SLC10A5: variants seen among roughly 807,000 people sequenced by gnomAD.
The protein encoded by SLC10A5 is solute carrier family 10 member 5.
For synonymous variants in SLC10A5, 181 were observed against 183.7 expected (o/e 0.99, Z 0.12); for missense variants, 475 against 500.7 (o/e 0.95, Z 0.49).
rs2130367154 is a variant in SLC10A5, at chr8:81,695,041, G to A, written c.-69C>T. 1 of 1,225,344 alleles carries A rather than the reference G, an allele frequency of 8.2e-7. No individual in the cohort carries two copies. Among genetic ancestry groups the A allele is most frequent in the East Asian group, 2.5e-5 (1 of 40,720 alleles). The allele number at this position is 1,225,344 out of a possible 1,614,324, so 75.9% of individuals were successfully genotyped here. On this transcript the variant is annotated 5_prime_UTR_variant, in exon 1 of 1. Coordinates refer to ENST00000518568, the MANE Select transcript of SLC10A5 (RefSeq NM_001010893.3). ...AAATGAAAGAACATTCTTCATGCAG[G>A]TGTTCCAGTGACAGTCTGAGGGTGA...
In SLC10A5 at chr8:81,693,785, A is replaced by T; in HGVS notation, c.1188T>A (p.Ala396=). The change falls in exon 1 of 1, where the codon GCT becomes GCA. Residue 396 remains alanine, a synonymous_variant. Transcript: ENST00000518568. ...TGGCTACTGTAAAAGGAGCCACAGA[A>T]GCTAAATTGGCCTTGGACTGTGGAA... The part of the protein sequence containing the change: ...LSFPQSKANL[A]SVAPFTVAMC... The T allele has an allele frequency of 6.2e-7, 1 of 1,614,166 alleles. No homozygotes were observed. The highest frequency in any genetic ancestry group is 1.1e-5 in the South Asian group (1 of 91,090).
In SLC10A5 at chr8:81,694,687, C is replaced by T. The variant is rs987673573; in HGVS notation, c.286G>A (p.Gly96Arg). The change falls in exon 1 of 1, where the codon GGA becomes AGA. Residue 96 changes from glycine to arginine, a missense_variant. Transcript: ENST00000518568. Reference sequence around the variant, plus strand: ...AGTTGAATAGTCACATTTGTTTCTCCTTCTTCATCAGTCACCAGATTTATG... The same window carrying T: ...AGTTGAATAGTCACATTTGTTTCTCTTTCTTCATCAGTCACCAGATTTATG... ...FTINLVTDEE[G>R]ETNVTIQLWD... 14 of 1,614,024 alleles carry T rather than the reference C, an allele frequency of 8.7e-6. No individual in the cohort carries two copies. Among genetic ancestry groups the T allele is most frequent in the Non-Finnish European group, 1.2e-5 (14 of 1,180,010 alleles).
chr8:81,694,414 G>GAA lies in SLC10A5; in HGVS notation c.557_558dup (p.Leu187PhefsTer2). On this transcript the variant is annotated frameshift_variant, in exon 1 of 1. Coordinates refer to ENST00000518568, the MANE Select transcript of SLC10A5 (RefSeq NM_001010893.3). LOFTEE classifies it low-confidence loss of function (END_TRUNC). ...AAAAGAAACCCGCAAAATGGCATCA[G>GAA]AAAAAACTGTGTAACTGCCCCAAGA... The GAA allele has an allele frequency of 6.2e-7, 1 of 1,613,956 alleles. No individual in the cohort carries two copies.
At position 81,694,669 on chromosome 8, in the gene SLC10A5, T is replaced by TCCC. The variant is rs749336312; in HGVS notation, c.303_304insGGG (p.Thr101_Ile102insGly). 3 of 1,614,026 alleles carry TCCC rather than the reference T, an allele frequency of 1.9e-6. No homozygotes were observed. The highest frequency in any genetic ancestry group is 1.7e-6 in the Non-Finnish European group (2 of 1,180,024). ...CTACCTTCAGAATCCCAGAGTTGAATAGTCACATTTGTTTCTCCTTCTTCA... is the reference window on the plus strand; with the variant it reads ...CTACCTTCAGAATCCCAGAGTTGAATCCCAGTCACATTTGTTTCTCCTTCTTCA... On this transcript the variant is annotated inframe_insertion, in exon 1 of 1. Coordinates refer to ENST00000518568, the MANE Select transcript of SLC10A5 (RefSeq NM_001010893.3).
In SLC10A5 at chr8:81,694,209, T is replaced by A. The variant is rs1807690554; in HGVS notation, c.764A>T (p.Tyr255Phe). 6.2e-7 allele frequency: 1 copy of A among 1,614,050 alleles called. No homozygotes were observed. Among genetic ancestry groups the A allele is most frequent in the African/African-American group, 1.3e-5 (1 of 74,910 alleles). The change falls in exon 1 of 1, where the codon TAT (tyrosine) becomes TTT (phenylalanine). Residue 255 changes from tyrosine (Y) to phenylalanine (F), a missense_variant. Transcript: ENST00000518568. ...LALIMMPVNS[Y>F]IYSRILGLSG... ...CAACCCTAATATCCTACTGTATATA[T>A]AAGAATTGACAGGCATCATGATCAG...
At position 81,693,721 on chromosome 8, in the gene SLC10A5, A is replaced by C; in HGVS notation, c.1252T>G (p.Tyr418Asp). Residue 418 changes from tyrosine (Y) to aspartate (D), a missense_variant, in exon 1 of 1, where the codon TAC becomes GAC. Coordinates refer to ENST00000518568, the MANE Select transcript of SLC10A5 (RefSeq NM_001010893.3). ...AAGATACATCTTTTCTTAGCCTTGT[A>C]AACTAGAATGATCAGTAACATTTCA... The part of the protein sequence containing the change: ...GCEMLLIILV[Y>D]KAKKRCIFFL... The C allele has an allele frequency of 1.2e-6, 2 of 1,607,594 alleles. No homozygotes were observed. Among genetic ancestry groups the C allele is most frequent in the Non-Finnish European group, 1.7e-6 (2 of 1,178,562 alleles).
chr8:81,694,144 T>G lies in SLC10A5; in HGVS notation c.829A>C (p.Thr277Pro). 7 of 1,614,066 alleles carry G rather than the reference T, an allele frequency of 4.3e-6. No individual in the cohort carries two copies. Among genetic ancestry groups the G allele is most frequent in the Non-Finnish European group, 5.9e-6 (7 of 1,180,002 alleles). ...ACTGGCACAAGTATGAAAAGGAGTG[T>G]TGACACAATTTTAGAAACAGGAATA... The part of the protein sequence containing the change: ...FHIPVSKIVS[T>P]LLFILVPVSI... The change falls in exon 1 of 1, where the codon ACA (threonine) becomes CCA (proline). Residue 277 changes from threonine (T) to proline (P), a missense_variant. By Grantham distance (38) the Thr-to-Pro change is conservative. Transcript: ENST00000518568.
rs781686406 is a variant in SLC10A5, at chr8:81,694,100, G to T, written c.873C>A (p.Ile291=). 2.5e-6 allele frequency: 4 copies of T among 1,613,966 alleles called. No individual in the cohort carries two copies. In the South Asian group the frequency reaches 4.4e-5, roughly 18 times the overall value. The part of the protein sequence containing the change: ...ILVPVSIGIV[I]KHRIPEKASF... The stretch of plus-strand genomic sequence containing the variant: ...TTGCTTTTTCAGGTATTCTATGCTT[G>T]ATGACTATTCCAATTGATACTGGCA... The change falls in exon 1 of 1, where the codon ATC becomes ATA. Residue 291 remains isoleucine (I), a synonymous_variant. Transcript: ENST00000518568.
chr8:81,694,774 G>A lies in SLC10A5; in HGVS notation c.199C>T (p.Pro67Ser), dbSNP rs757902331. ...SSHLFVKIED[P>S]KILQMVNVAK... ...ACATTCACCATTTGTAGTATTTTAG[G>A]ATCTTCTATTTTCACAAAGAGGTGG... The change falls in exon 1 of 1, where the codon CCT becomes TCT. Residue 67 changes from proline to serine, a missense_variant. Physicochemically the swap from Pro to Ser is moderately conservative, Grantham distance 74. Coordinates refer to ENST00000518568, the MANE Select transcript of SLC10A5 (RefSeq NM_001010893.3). 6.2e-7 allele frequency: 1 copy of A among 1,613,842 alleles called. No individual in the cohort carries two copies. The highest frequency in any genetic ancestry group is 8.5e-7 in the Non-Finnish European group (1 of 1,179,976).
chr8:81,694,994 T>A lies in SLC10A5; in HGVS notation c.-22A>T. The stretch of plus-strand genomic sequence containing the variant: ...TCATTTTGAAAGCTGAAATAAATCA[T>A]ATATGCAAAATCGTTTTTAAAAAAT... On this transcript the variant is annotated 5_prime_UTR_variant, in exon 1 of 1. It removes an upstream start codon present in the reference 5' UTR. Coordinates refer to ENST00000518568, the MANE Select transcript of SLC10A5 (RefSeq NM_001010893.3). The A allele has an allele frequency of 6.6e-7, 1 of 1,507,816 alleles. No homozygotes were observed. Among genetic ancestry groups the A allele is most frequent in the Admixed American group, 2.3e-5 (1 of 43,128 alleles). The allele number at this position is 1,507,816 out of a possible 1,614,324, so 93.4% of individuals were successfully genotyped here. A position where few individuals can be genotyped will look rare whatever the true frequency, so the allele number is the denominator to read the frequency against.
rs771459899 is a variant in SLC10A5, at chr8:81,693,685, C to G, written c.1288G>C (p.Asp430His). 1 of 1,591,740 alleles carries G rather than the reference C, an allele frequency of 6.3e-7. No homozygotes were observed. The highest frequency in any genetic ancestry group is 8.5e-7 in the Non-Finnish European group (1 of 1,172,848). The change falls in exon 1 of 1, where the codon GAT becomes CAT. Residue 430 changes from aspartate (D) to histidine (H), a missense_variant. Asp to His is a moderately conservative substitution (Grantham distance 81). Coordinates refer to ENST00000518568, the MANE Select transcript of SLC10A5 (RefSeq NM_001010893.3). The stretch of plus-strand genomic sequence containing the variant: ...ATTAGGAAATTTCTTTTCCTTTTAT[C>G]TTGTAAGAAAAAGATACATCTTTTC... ...AKKRCIFFLQ[D>H]KRKRNFLI
rs146166830 is a variant in SLC10A5 at position 81,693,810 on chromosome 8, A to G, written c.1163T>C (p.Phe388Ser). 6.8e-6 allele frequency: 11 copies of G among 1,613,966 alleles called. No individual in the cohort carries two copies. The highest frequency in any genetic ancestry group is 8.5e-6 in the Non-Finnish European group (10 of 1,180,014). Residue 388 changes from phenylalanine to serine, a missense_variant, in exon 1 of 1, where the codon TTT becomes TCT. By Grantham distance (155) the Phe-to-Ser change is radical (BLOSUM62 -2). Transcript: ENST00000518568. The stretch of plus-strand genomic sequence containing the variant: ...AGCTAAATTGGCCTTGGACTGTGGA[A>G]AAGACAGCTGAATAACGGCAAGAGC... ...FLALAVIQLS[F>S]PQSKANLASV...
At position 81,693,645 on chromosome 8, in the gene SLC10A5, T is replaced by G; in HGVS notation, c.*11A>C. On this transcript the variant is annotated 3_prime_UTR_variant, in exon 1 of 1. Coordinates refer to ENST00000518568, the MANE Select transcript of SLC10A5 (RefSeq NM_001010893.3). ...CCTACCCAGAGTAGGAATTCAGTAA[T>G]GCTTTAATTGTTAGATTAGGAAATT... 1 of 1,561,292 alleles carries G rather than the reference T, an allele frequency of 6.4e-7. No homozygotes were observed. The highest frequency in any genetic ancestry group is 1.2e-5 in the South Asian group (1 of 81,936).
rs1370525675 is a variant in SLC10A5 at position 81,694,497 on chromosome 8, C to T, written c.476G>A (p.Gly159Asp). ...PLILLNKCAF[G>D]CKIELQLFQT... ...AAACAGCTGTAATTCAATCTTACAA[C>T]CAAATGCACACTTATTCAATAGTAT... Residue 159 changes from glycine (G) to aspartate (D), a missense_variant, in exon 1 of 1, where the codon GGT becomes GAT. By Grantham distance (94) the Gly-to-Asp change is moderately conservative. Coordinates refer to ENST00000518568, the MANE Select transcript of SLC10A5 (RefSeq NM_001010893.3). 2.5e-6 allele frequency: 4 copies of T among 1,614,230 alleles called. No individual in the cohort carries two copies. Among genetic ancestry groups the T allele is most frequent in the Non-Finnish European group, 3.4e-6 (4 of 1,180,042 alleles).
At position 81,694,615 on chromosome 8, in the gene SLC10A5, T is replaced by C. The variant is rs755107822; in HGVS notation, c.358A>G (p.Asn120Asp). 3 of 1,614,114 alleles carry C rather than the reference T, an allele frequency of 1.9e-6. No homozygotes were observed. Among genetic ancestry groups the C allele is most frequent in the Non-Finnish European group, 1.7e-6 (2 of 1,180,034 alleles). The change falls in exon 1 of 1, where the codon AAT becomes GAT. Residue 120 changes from asparagine (N) to aspartate (D), a missense_variant. By Grantham distance (23) the Asn-to-Asp change is conservative (BLOSUM62 1). Transcript: ENST00000518568. ...TGTTTGAGCACTTTGACTTTCACATTCTTGATTTCTTCAATGAGTCTTTCT... is the reference window on the plus strand; with the variant it reads ...TGTTTGAGCACTTTGACTTTCACATCCTTGATTTCTTCAATGAGTCTTTCT... ...RQERLIEEIK[N>D]VKVKVLKQKD...
Position 81,693,725 on chromosome 8 carries a change from T to C in SLC10A5, c.1248A>G (p.Leu416=), listed in dbSNP as rs774699534. The C allele has an allele frequency of 1.2e-6, 2 of 1,608,536 alleles. No individual in the cohort carries two copies. Among genetic ancestry groups the C allele is most frequent in the Admixed American group, 1.7e-5 (1 of 58,468 alleles). The part of the protein sequence containing the change: ...CSGCEMLLII[L]VYKAKKRCIF... The stretch of plus-strand genomic sequence containing the variant: ...TACATCTTTTCTTAGCCTTGTAAAC[T>C]AGAATGATCAGTAACATTTCACATC... Residue 416 remains leucine (L), a synonymous_variant, in exon 1 of 1, where the codon CTA becomes CTG. Coordinates refer to ENST00000518568, the MANE Select transcript of SLC10A5 (RefSeq NM_001010893.3).
Position 81,694,913 on chromosome 8 carries a change from C to T in SLC10A5, c.60G>A (p.Arg20=), listed in dbSNP as rs75101336. The part of the protein sequence containing the change: ...LLLLVTIEEA[R]MSSLSFLNIE... The stretch of plus-strand genomic sequence containing the variant: ...TATTCAGAAAACTGAGCGATGACAT[C>T]CTTGCTTCTTCTATAGTCACAAGCA... Residue 20 remains arginine (R), a synonymous_variant, in exon 1 of 1, where the codon AGG becomes AGA. Coordinates refer to ENST00000518568, the MANE Select transcript of SLC10A5 (RefSeq NM_001010893.3). The T allele has an allele frequency of 0.051, 81,691 of 1,599,980 alleles. 2,283 individuals are homozygous for T. Among genetic ancestry groups the T allele is most frequent in the Middle Eastern group, 0.09 (465 of 5,194 alleles).
At position 81,694,889 on chromosome 8, in the gene SLC10A5, A is replaced by T; in HGVS notation, c.84T>A (p.Asn28Lys). ...AAAATAGTATTTCAGTCTTCTCTAT[A>T]TTCAGAAAACTGAGCGATGACATCC... ...EARMSSLSFL[N>K]IEKTEILFFT... Residue 28 changes from asparagine (N) to lysine (K), a missense_variant, in exon 1 of 1, where the codon AAT (asparagine) becomes AAA (lysine). By Grantham distance (94) the Asn-to-Lys change is moderately conservative. Transcript: ENST00000518568. 6.2e-7 allele frequency: 1 copy of T among 1,611,228 alleles called. No individual in the cohort carries two copies. Among genetic ancestry groups the T allele is most frequent in the Admixed American group, 1.7e-5 (1 of 59,482 alleles).
At position 81,694,518 on chromosome 8, in the gene SLC10A5, A is replaced by T; in HGVS notation, c.455T>A (p.Leu152Gln). Reference protein sequence around the residue: ...NILMLILPLILLNKCAFGCKI... With the variant: ...NILMLILPLIQLNKCAFGCKI... ...ACAACCAAATGCACACTTATTCAAT[A>T]GTATTAGTGGTAAAATAAGCATTAG... Residue 152 changes from leucine to glutamine, a missense_variant, in exon 1 of 1, where the codon CTA (leucine) becomes CAA (glutamine). Physicochemically the swap from Leu to Gln is moderately radical, Grantham distance 113. Coordinates refer to ENST00000518568, the MANE Select transcript of SLC10A5 (RefSeq NM_001010893.3). 1.2e-6 allele frequency: 2 copies of T among 1,614,196 alleles called. No homozygotes were observed. The highest frequency in any genetic ancestry group is 3.3e-5 in the Admixed American group (2 of 60,030).
Sources: gnomAD v4.1 joint callset for allele counts on GRCh38, gnomAD v4.1.1 for gene constraint, MANE v1.5 for transcripts, NCBI Gene and HGNC (gene_info 2026-07-23, HGNC 2026-07-21) for gene names.